The following L3MBTL3 variants were observed in gnomAD, a reference collection of about 807,000 sequenced individuals.
L3MBTL3 encodes the protein L3MBTL histone methyl-lysine binding protein 3, also known as lethal(3)malignant brain tumor-like protein 3.
A neutral mutation model predicts 102.3 loss-of-function variants in L3MBTL3; 27 were observed. The ratio of observed to expected loss-of-function variants is 0.26; its 90% CI spans 0.19 to 0.36. The LOEUF is 0.36. Among genes scored for constraint, L3MBTL3 ranks in the 10% least tolerant of loss-of-function variants. The pLI, the probability that L3MBTL3 is intolerant of heterozygous loss-of-function variation, is 1.00. For synonymous variants in L3MBTL3, 340 were observed against 320.9 expected (o/e 1.06, Z -0.64); for missense variants, 798 against 955.3 (o/e 0.84, Z 2.17).
intron 19 of L3MBTL3, among the ~76,000 whole-genome samples, chr6:130,112,345 A>C (rs1350081123): frequency 6.6e-6 from 1 of 152,190 alleles, no homozygotes; most frequent in Non-Finnish European, 1.5e-5. Flanking sequence ...TCAGTTATGT[A>C]ACCTAAGAGG....
At position 130,049,278 on chromosome 6, in the gene L3MBTL3, C is replaced by A; in HGVS notation, c.103-4C>A. 5 of 1,593,318 alleles carry A rather than the reference C, an allele frequency of 3.1e-6. No homozygotes were observed. Among genetic ancestry groups the A allele is most frequent in the Non-Finnish European group, 4.3e-6 (5 of 1,163,398 alleles). ...ATTTTGCCTTTCTGCTGTGTTGTTG[C>A]TAGTTTCGGGTAAATGAGTTTGGAG... is the stretch of plus-strand genomic sequence containing the variant. On this transcript the variant is annotated splice_region_variant and splice_polypyrimidine_tract_variant and intron_variant, in intron 3 of 22. Coordinates refer to ENST00000361794, the MANE Select transcript of L3MBTL3 (RefSeq NM_032438.4).
At chr6:130,106,175 TA>T (rs1784970336) in intron 19 of L3MBTL3, among the ~76,000 whole-genome samples, 1 of 152,226 alleles carries the variant, frequency 6.6e-6, no homozygotes, top group African/African-American at 2.4e-5. Flanking sequence ...TACTACCTAT[TA>T]AAACCTAATT....
Position 130,133,458 on chromosome 6 carries a change from G to C in L3MBTL3, c.1973G>C (p.Arg658Pro). Reference sequence around the variant, plus strand: ...ATTTGTTTTCATTGACCAGGTGCCCGGGAAGAACCCACCGTCCAGCAGGCA... The same window carrying C: ...ATTTGTTTTCATTGACCAGGTGCCCCGGAAGAACCCACCGTCCAGCAGGCA... ...MRTSHEARGA[R>P]EEPTVQQAQR... Residue 658 changes from arginine (R) to proline (P), a missense_variant, in exon 21 of 23, where the codon CGG becomes CCG. Coordinates refer to ENST00000361794, the MANE Select transcript of L3MBTL3 (RefSeq NM_032438.4). The surrounding 1 kb of genome is among the most constrained non-coding windows in gnomAD (Gnocchi z 4.9). 1 of 1,613,528 alleles carries C rather than the reference G, an allele frequency of 6.2e-7. No individual in the cohort carries two copies. Among genetic ancestry groups the C allele is most frequent in the Admixed American group, 1.7e-5 (1 of 59,990 alleles).
At chr6:130,024,646 G>A (rs1415700) in intron 2 of L3MBTL3, among the ~76,000 whole-genome samples, 109,611 of 152,062 alleles carry the variant, frequency 0.72, 39,728 homozygotes, top group East Asian at 0.93. Context: ...TGGGTGGGAT[G>A]TACCGTTGGC....
intron 18 of L3MBTL3, among the ~76,000 whole-genome samples, chr6:130,099,512 A>G (rs935552278): frequency 1.3e-5 from 2 of 152,198 alleles, no homozygotes; most frequent in Non-Finnish European, 1.5e-5. Flanking sequence ...TCTGTACATA[A>G]CAGAACAAAT....
chr6:130,063,068 G>A (rs1186828751), intron 10 of L3MBTL3, among the ~76,000 whole-genome samples: 3 of 147,866 alleles, frequency 2.0e-5, no homozygotes, highest in Non-Finnish European at 3.0e-5. Context: ...TTCTGAAGAA[G>A]CCACTAGGGA....
At chr6:130,118,659 G>A (rs752628328) in intron 19 of L3MBTL3, among the ~76,000 whole-genome samples, 49 of 152,142 alleles carry the variant, frequency 3.2e-4, no homozygotes, top group Admixed American at 5.2e-4. Flanking sequence ...TTCATGTTTG[G>A]TAAAAATACA....
chr6:130,072,036 G>A (rs1029319065), intron 13 of L3MBTL3, among the ~76,000 whole-genome samples: 1 of 152,036 alleles, frequency 6.6e-6, no homozygotes, highest in African/African-American at 2.4e-5. Flanking sequence ...AATGTAGACA[G>A]TTAGTTCCAT....
intron 14 of L3MBTL3, among the ~76,000 whole-genome samples, chr6:130,082,463 C>T (rs1255216475): frequency 2.0e-5 from 3 of 152,166 alleles, no homozygotes; most frequent in Non-Finnish European, 4.4e-5. Context: ...CTATTTTTAT[C>T]AGTGAGTTAT....
At chr6:130,039,160 AATTGCCAACAC>A (rs1489355858) in intron 2 of L3MBTL3, among the ~76,000 whole-genome samples, 3 of 152,156 alleles carry the variant, frequency 2.0e-5, no homozygotes, top group Admixed American at 6.5e-5. Context: ...ACGTCTTGAC[AATTGCCAACAC>A]ATTGCCAATC....
intron 8 of L3MBTL3, among the ~76,000 whole-genome samples, chr6:130,056,655 A>G (rs1781530023): frequency 1.3e-5 from 2 of 151,990 alleles, no homozygotes; most frequent in Admixed American, 6.5e-5. Context: ...TCTGCCTCCA[A>G]ATGTCTGTTT....
intron 15 of L3MBTL3, among the ~76,000 whole-genome samples, chr6:130,084,361 T>C (rs1783544778): frequency 6.7e-6 from 1 of 148,776 alleles, no homozygotes; most frequent in Admixed American, 6.6e-5. Context: ...ATATCAAATA[T>C]TTATTTTTTT....
At chr6:130,081,121 T>A (rs551462079) in intron 14 of L3MBTL3, among the ~76,000 whole-genome samples, 1 of 152,256 alleles carries the variant, frequency 6.6e-6, no homozygotes, top group Non-Finnish European at 1.5e-5. Context: ...TTTCAGAAAT[T>A]AAAATCTTCA....
intron 2 of L3MBTL3, among the ~76,000 whole-genome samples, chr6:130,036,406 C>G (rs1038597725): frequency 3.3e-5 from 5 of 152,250 alleles, no homozygotes; most frequent in Admixed American, 6.5e-5. Flanking sequence ...TTCAGAATCT[C>G]TGCAAACCTT....
At chr6:130,064,784 T>C (rs539725661) in intron 10 of L3MBTL3, among the ~76,000 whole-genome samples, 4 of 152,222 alleles carry the variant, frequency 2.6e-5, no homozygotes, top group African/African-American at 9.6e-5. Flanking sequence ...ATGTAGGAGA[T>C]TGTTTCTCAA....
chr6:130,045,131 A>AT (rs1445857985), intron 3 of L3MBTL3, among the ~76,000 whole-genome samples: 3 of 152,198 alleles, frequency 2.0e-5, no homozygotes, highest in South Asian at 2.1e-4. Context: ...TCTTCTTCAC[A>AT]TTTTTTAGCA....
At chr6:130,076,304 G>A (rs1017580582) in intron 13 of L3MBTL3, among the ~76,000 whole-genome samples, 1 of 152,178 alleles carries the variant, frequency 6.6e-6, no homozygotes, top group African/African-American at 2.4e-5. Flanking sequence ...CCCAGCATGT[G>A]TGCATTAGTT....
chr6:130,061,051 G>A (rs1781862541), intron 10 of L3MBTL3, among the ~76,000 whole-genome samples: 2 of 151,528 alleles, frequency 1.3e-5, no homozygotes, highest in Admixed American at 6.6e-5. Context: ...ATGTGCCAGC[G>A]GCTAATCCAA....
In L3MBTL3 at chr6:130,092,548, T is replaced by C. The variant is rs377178570; in HGVS notation, c.1519-197T>C. 2.0e-5 allele frequency among the ~76,000 whole-genome samples: 3 copies of C among 152,350 alleles called. No individual in the cohort carries two copies. The East Asian group carries it at 5.8e-4, about 29-fold the overall frequency. On this transcript the variant is annotated intron_variant, in intron 16 of 22. Transcript: ENST00000361794. Reference sequence around the variant, plus strand: ...TTGGCAGGGCCTTTATGTCTGGTTATATAATACATTGAAGGTGGTTCAAAG... The same window carrying C: ...TTGGCAGGGCCTTTATGTCTGGTTACATAATACATTGAAGGTGGTTCAAAG...
Sources: gnomAD v4.1 joint callset for allele counts (sites outside exome capture counted in the v4.1 genomes callset) on GRCh38, gnomAD v4.1.1 for gene constraint, Gnocchi (gnomAD v3.1) non-coding constraint, MANE v1.5 for transcripts, NCBI Gene and HGNC (gene_info 2026-07-23, HGNC 2026-07-21) for gene names.